CPB1: variants seen among roughly 807,000 people sequenced by gnomAD.
The protein encoded by CPB1 is carboxypeptidase B1.
In CPB1, 53 loss-of-function variants were observed where a neutral mutation model predicts 51.4. That is an observed-to-expected ratio of 1.03 (90% CI 0.83 to 1.30). The LOEUF (loss-of-function observed/expected upper bound fraction) is 1.30. Ranked by LOEUF, CPB1 falls within the 50% of genes most tolerant of loss-of-function variation. The probability of loss-of-function intolerance (pLI) is 0.00; values close to 1 mark genes in which losing one functional copy is unlikely to be tolerated. For synonymous variants in CPB1, 189 were observed against 186.9 expected (o/e 1.01, Z -0.09); for missense variants, 494 against 516.2 (o/e 0.96, Z 0.42).
chr3:148,843,407 A>G (rs941686027), intron 6 of CPB1, among the ~76,000 whole-genome samples: 1 of 152,012 alleles, frequency 6.6e-6, no homozygotes, highest in South Asian at 2.1e-4. Context: ...TTTTGTGTGA[A>G]GCACTTCCGT....
chr3:148,836,467 G>A (rs1712904132), intron 3 of CPB1, among the ~76,000 whole-genome samples: 3 of 152,176 alleles, frequency 2.0e-5, no homozygotes. Flanking sequence ...AGCGACCATA[G>A]ATTAACCCTA....
At chr3:148,851,334 C>CAAAAAAAAAAAA (rs59423779) in intron 9 of CPB1, 2 of 82,076 alleles carry the variant, frequency 2.4e-5, no homozygotes, top group Non-Finnish European at 4.6e-5. Context: ...GACCCTGTCT[C>CAAAAAAAAAAAA]AAAAAAAAAA....
chr3:148,847,344 G>A (rs1179506156), intron 9 of CPB1, among the ~76,000 whole-genome samples: 3 of 138,642 alleles, frequency 2.2e-5, no homozygotes, highest in Non-Finnish European at 4.6e-5. Context: ...CAGAACCTGG[G>A]CTACTCTAAA....
At chr3:148,843,382 TA>T (rs1250800999) in intron 6 of CPB1, among the ~76,000 whole-genome samples, 1 of 151,964 alleles carries the variant, frequency 6.6e-6, no homozygotes, top group African/African-American at 2.4e-5. Context: ...ATAATATTAT[TA>T]TATACAACAT....
chr3:148,844,406 CA>C, intron 6 of CPB1, 71 bp from the exon 7 acceptor site: 1 of 1,084,584 alleles, frequency 9.2e-7, no homozygotes, highest in Middle Eastern at 2.3e-4. Flanking sequence ...TAACATTCAA[CA>C]GTCTTTGTAA....
At chr3:148,831,448 A>G (rs1712734565) in intron 2 of CPB1, among the ~76,000 whole-genome samples, 1 of 152,222 alleles carries the variant, frequency 6.6e-6, no homozygotes, top group Non-Finnish European at 1.5e-5. Flanking sequence ...AGTCAAATGC[A>G]ATGTGAAGAA....
At chr3:148,838,866 C>T (rs572651410) in intron 3 of CPB1, among the ~76,000 whole-genome samples, 1 of 152,316 alleles carries the variant, frequency 6.6e-6, no homozygotes, top group South Asian at 2.1e-4. Context: ...ATTCCTCATT[C>T]ATGATTCCTT....
At chr3:148,835,809 G>A (rs372923578) in intron 3 of CPB1, among the ~76,000 whole-genome samples, 16 of 152,252 alleles carry the variant, frequency 1.1e-4, no homozygotes, top group Non-Finnish European at 1.6e-4. Context: ...TGTTTTTCAC[G>A]TCTTAAAAAT....
rs1713699039 is a variant in CPB1 at position 148,859,865 on chromosome 3, T to C, written c.1117T>C (p.Tyr373His). 6.2e-7 allele frequency: 1 copy of C among 1,614,030 alleles called. No homozygotes were observed. The highest frequency in any genetic ancestry group is 1.3e-5 in the African/African-American group (1 of 74,938). Residue 373 changes from tyrosine (Y) to histidine (H), a missense_variant, in exon 11 of 11, where the codon TAT (tyrosine) becomes CAT (histidine). Tyr to His is a moderately conservative substitution (Grantham distance 83). Transcript: ENST00000282957. The part of the protein sequence containing the change: ...DDWAYDQGIR[Y>H]SFTFELRDTG... ...CTGGGCTTATGACCAAGGAATCAGA[T>C]ATTCCTTCACCTTTGAACTTCGAGA... is the stretch of plus-strand genomic sequence containing the variant.
At chr3:148,833,833 C>T (rs1182146183) in intron 2 of CPB1, among the ~76,000 whole-genome samples, 2 of 151,926 alleles carry the variant, frequency 1.3e-5, no homozygotes, top group African/African-American at 2.4e-5. Flanking sequence ...CTAATGTATT[C>T]CTAGTCTCAG....
chr3:148,831,633 G>A (rs1366429821), intron 2 of CPB1, among the ~76,000 whole-genome samples: 1 of 152,154 alleles, frequency 6.6e-6, no homozygotes, highest in Non-Finnish European at 1.5e-5. Context: ...GCAGCCGGCT[G>A]ATTAAATTGA....
chr3:148,836,695 G>A (rs904329422), intron 3 of CPB1, among the ~76,000 whole-genome samples: 4 of 152,132 alleles, frequency 2.6e-5, no homozygotes, highest in Non-Finnish European at 5.9e-5. Flanking sequence ...TCACTGCTTA[G>A]CACATTTGTA....
chr3:148,834,533 C>G lies in CPB1; in HGVS notation c.183C>G (p.Ile61Met). 1 of 1,613,600 alleles carries G rather than the reference C, an allele frequency of 6.2e-7. No individual in the cohort carries two copies. Among genetic ancestry groups the G allele is most frequent in the Non-Finnish European group, 8.5e-7 (1 of 1,179,554 alleles). ...GGAAGCCAGATTCTGTCACACAAAT[C>G]AAACCTCACAGTACAGTTGACTTCC... ...DFWKPDSVTQ[I>M]KPHSTVDFRV... is the part of the protein sequence containing the mutation. Residue 61 changes from isoleucine to methionine, a missense_variant, in exon 3 of 11, where the codon ATC (isoleucine) becomes ATG (methionine). By Grantham distance (10) the Ile-to-Met change is conservative. Coordinates refer to ENST00000282957, the MANE Select transcript of CPB1 (RefSeq NM_001871.3).
chr3:148,829,494 T>A (rs552474471), intron 2 of CPB1, among the ~76,000 whole-genome samples: 1 of 152,294 alleles, frequency 6.6e-6, no homozygotes, highest in East Asian at 1.9e-4. Flanking sequence ...TGAATCACCC[T>A]CAAACAGGAT....
intron 9 of CPB1, among the ~76,000 whole-genome samples, chr3:148,848,208 G>A (rs1559960560): frequency 6.6e-6 from 1 of 152,058 alleles, no homozygotes; most frequent in Non-Finnish European, 1.5e-5. Flanking sequence ...AAAAGAATAT[G>A]AGTCTCTCAA....
At chr3:148,852,455 G>C (rs767155924) in intron 9 of CPB1, among the ~76,000 whole-genome samples, 6 of 152,114 alleles carry the variant, frequency 3.9e-5, no homozygotes, top group Non-Finnish European at 7.4e-5. Context: ...AGCCCAAAAC[G>C]TCAAGAGTGC....
In CPB1 at chr3:148,844,772, G is replaced by A; in HGVS notation, c.778+5G>A. 6.2e-7 allele frequency: 1 copy of A among 1,613,102 alleles called. No individual in the cohort carries two copies. The highest frequency in any genetic ancestry group is 8.5e-7 in the Non-Finnish European group (1 of 1,179,188). ...ATTTTGATGCTGGTTGGTGTGGTAA[G>A]TATCTGGCTAGCCATTTTGCATGTA... On this transcript the variant is annotated splice_donor_5th_base_variant and intron_variant, in intron 8 of 10. Coordinates refer to ENST00000282957, the MANE Select transcript of CPB1 (RefSeq NM_001871.3).
At chr3:148,856,655 G>A (rs1713574181) in intron 9 of CPB1, 1 of 152,196 alleles carries the variant, frequency 6.6e-6, no homozygotes, top group African/African-American at 2.4e-5. Context: ...TATTTAAATA[G>A]GCAGTATGTC....
chr3:148,836,645 C>T (rs1219549767), intron 3 of CPB1, among the ~76,000 whole-genome samples: 2 of 152,236 alleles, frequency 1.3e-5, no homozygotes, highest in South Asian at 2.1e-4. Context: ...CATAGGACAT[C>T]CCCTGAGGGC....
Sources: allele counts gnomAD v4.1 joint callset (sites outside exome capture counted in the v4.1 genomes callset), GRCh38; gene constraint gnomAD v4.1.1; transcripts MANE v1.5; gene names NCBI Gene and HGNC (gene_info 2026-07-23, HGNC 2026-07-21).